The following DNAH11 variants were observed in gnomAD, a reference collection of about 807,000 sequenced individuals.
The protein encoded by DNAH11 is axonemal beta dynein heavy chain 11.
A neutral mutation model predicts 526.0 loss-of-function variants in DNAH11; 442 were observed. That is an observed-to-expected ratio of 0.84 (90% CI 0.78 to 0.91). The LOEUF is 0.91. DNAH11 is among the 40% of genes least tolerant of loss of function. The pLI, the probability that DNAH11 is intolerant of heterozygous loss-of-function variation, is 0.00. For missense variants in DNAH11, 6,989 were observed against 5,448.7 expected (o/e 1.28, Z -8.90); for synonymous variants, 2,461 against 1,935.9 (o/e 1.27, Z -7.12).
At chr7:21,723,333 A>G (rs943507532) in intron 44 of DNAH11, among the ~76,000 whole-genome samples, 3 of 152,242 alleles carry the variant, frequency 2.0e-5, no homozygotes, top group African/African-American at 7.2e-5. Context: ...ATCTGCTTCC[A>G]GGCACAAAGC....
chr7:21,827,755 A>G (rs938419298), intron 65 of DNAH11, among the ~76,000 whole-genome samples: 1 of 152,108 alleles, frequency 6.6e-6, no homozygotes, highest in African/African-American at 2.4e-5. Context: ...AATTGCTTTC[A>G]GTTAGCAGCT....
At position 21,666,835 on chromosome 7, in the gene DNAH11, A is replaced by G. The variant is rs185422118; in HGVS notation, c.5328+7804A>G. On this transcript the variant is annotated intron_variant, in intron 30 of 81. Coordinates refer to ENST00000409508, the MANE Select transcript of DNAH11 (RefSeq NM_001277115.2). Reference sequence around the variant, plus strand: ...TAATCTAGCAGTAACTCACAAGATCATGAGTAGAGCACATACTCTCTACCT... The same window carrying G: ...TAATCTAGCAGTAACTCACAAGATCGTGAGTAGAGCACATACTCTCTACCT... 1.1e-4 allele frequency among the ~76,000 whole-genome samples: 16 copies of G among 152,092 alleles called. No individual in the cohort carries two copies. In the East Asian group the frequency reaches 2.9e-3, roughly 28 times the overall value.
chr7:21,854,271 A>G (rs1562585452), intron 67 of DNAH11, 44 bp from the exon 68 acceptor site: 3 of 1,601,608 alleles, frequency 1.9e-6, no homozygotes, highest in Non-Finnish European at 2.6e-6. Flanking sequence ...CGTAGAGAAT[A>G]TGAAGAGTAA....
chr7:21,730,620 TG>T (rs1785336653), intron 45 of DNAH11, among the ~76,000 whole-genome samples: 1 of 152,310 alleles, frequency 6.6e-6, no homozygotes, highest in African/African-American at 2.4e-5. Flanking sequence ...ATGATTTCAC[TG>T]ACTTGTGAAA....
chr7:21,854,593 A>G (rs1160672135), intron 68 of DNAH11, 138 bp downstream of exon 68: 7 of 1,007,152 alleles, frequency 7.0e-6, no homozygotes, highest in Non-Finnish European at 8.2e-6. Context: ...TCTGTAGCCC[A>G]GGCTGGAGTG....
intron 20 of DNAH11, among the ~76,000 whole-genome samples, chr7:21,610,464 T>C (rs552040472): frequency 6.6e-6 from 1 of 152,262 alleles, no homozygotes; most frequent in South Asian, 2.1e-4. Flanking sequence ...TCAGTCTCTT[T>C]AGGGGGTCCA....
At chr7:21,628,038 T>C (rs1786430219) in intron 25 of DNAH11, among the ~76,000 whole-genome samples, 1 of 152,192 alleles carries the variant, frequency 6.6e-6, no homozygotes, top group Non-Finnish European at 1.5e-5. Context: ...TAGTTGATAT[T>C]ATTTGTAGCT....
In DNAH11 at chr7:21,694,844, C is replaced by T. The variant is rs143737595; in HGVS notation, c.6042-3231C>T. On this transcript the variant is annotated intron_variant, in intron 35 of 81. Coordinates refer to ENST00000409508, the MANE Select transcript of DNAH11 (RefSeq NM_001277115.2). ...GTGTAAAAGCATTCCTATTTCTCCA[C>T]GTTCTCGCCAGCATCTGTTGTTTCC... 3.5e-3 allele frequency among the ~76,000 whole-genome samples: 540 copies of T among 152,302 alleles called. 1 individual carries two copies. Among genetic ancestry groups the T allele is most frequent in the Non-Finnish European group, 5.4e-3 (369 of 68,024 alleles).
chr7:21,897,677 G>A (rs180856015), intron 79 of DNAH11, among the ~76,000 whole-genome samples: 39 of 152,196 alleles, frequency 2.6e-4, no homozygotes, highest in African/African-American at 6.5e-4. Context: ...GTGCAGTGAC[G>A]TGATCGCAGC....
intron 14 of DNAH11, among the ~76,000 whole-genome samples, chr7:21,595,671 G>A (rs568293122): frequency 6.6e-6 from 1 of 152,294 alleles, no homozygotes; most frequent in South Asian, 2.1e-4. Context: ...GTGTTAATTA[G>A]CCAAGAGGAG....
intron 77 of DNAH11, among the ~76,000 whole-genome samples, chr7:21,893,738 A>C (rs1055620351): frequency 2.0e-5 from 3 of 152,222 alleles, no homozygotes; most frequent in African/African-American, 7.2e-5. Context: ...TTTCAGAGCA[A>C]CAATTACAGA....
At chr7:21,548,588 G>A (rs779751011) in intron 2 of DNAH11, among the ~76,000 whole-genome samples, 1 of 152,128 alleles carries the variant, frequency 6.6e-6, no homozygotes, top group Non-Finnish European at 1.5e-5. Context: ...CAGAGTGAAG[G>A]CAATTGGACT....
chr7:21,861,066 A>C (rs6960896), intron 68 of DNAH11, among the ~76,000 whole-genome samples: 151,220 of 152,274 alleles, frequency 0.99, 75,091 homozygotes, highest in East Asian at 1. Flanking sequence ...TGGGTGGGGA[A>C]ACAGCCAAAC....
chr7:21,611,203 C>A (rs904597925), intron 20 of DNAH11, among the ~76,000 whole-genome samples: 1 of 152,130 alleles, frequency 6.6e-6, no homozygotes, highest in Non-Finnish European at 1.5e-5. Flanking sequence ...AAAAGGAATA[C>A]CTTTCTCCTG....
chr7:21,850,661 TG>T (rs1438393591), intron 66 of DNAH11, among the ~76,000 whole-genome samples: 1 of 147,788 alleles, frequency 6.8e-6, no homozygotes, highest in Admixed American at 6.8e-5. Context: ...ACTTATTTGT[TG>T]AAAACCTTGA....
intron 28 of DNAH11, among the ~76,000 whole-genome samples, chr7:21,642,250 GTCTATCA>G (rs1485695476): frequency 1.2e-4 from 16 of 129,514 alleles, no homozygotes; most frequent in Non-Finnish European, 2.4e-4. Flanking sequence ...GTTACTAAAG[GTCTATCA>G]TTAGAAGTGT....
Position 21,742,033 on chromosome 7 carries a change from C to G in DNAH11, c.8021C>G (p.Ser2674Ter). ...TTCCAACAGCAAGCATTTGCTCCAT[C>G]AATTCTCAGGAGTGGCCCCACTTTG... ...FHFQQQAFAPSILRSGPTLIQ... is the reference protein window; with the variant it reads ...FHFQQQAFAP Residue 2674 changes from serine to a stop codon, truncating the protein, a stop_gained, in exon 49 of 82, where the codon TCA becomes TGA. Transcript: ENST00000409508. LOFTEE classifies it high-confidence loss of function. 1 of 1,613,964 alleles carries G rather than the reference C, an allele frequency of 6.2e-7. No homozygotes were observed. Among genetic ancestry groups the G allele is most frequent in the Non-Finnish European group, 8.5e-7 (1 of 1,179,868 alleles).
intron 36 of DNAH11, among the ~76,000 whole-genome samples, chr7:21,700,680 T>C (rs1006474752): frequency 6.6e-6 from 1 of 152,170 alleles, no homozygotes; most frequent in South Asian, 2.1e-4. Context: ...TGCAGCACTA[T>C]TTACAGTAGC....
rs377635623 is a variant in DNAH11, at chr7:21,705,504, T to C, written c.6513T>C (p.Phe2171=). The change falls in exon 39 of 82, where the codon TTT becomes TTC. Residue 2171 remains phenylalanine (F), a synonymous_variant. Coordinates refer to ENST00000409508, the MANE Select transcript of DNAH11 (RefSeq NM_001277115.2). The stretch of plus-strand genomic sequence containing the variant: ...TGTTGGCTGTGCGGCACTCGGTCTT[T>C]GTAGTTGGAAATGCAGGCACAGGAA... The part of the protein sequence containing the change: ...EELLAVRHSV[F]VVGNAGTGKS... 3.4e-5 allele frequency: 55 copies of C among 1,613,742 alleles called. 1 individual carries two copies. Among genetic ancestry groups the C allele is most frequent in the South Asian group, 2.6e-4 (24 of 91,070 alleles).
Sources: gnomAD v4.1 joint callset for allele counts (sites outside exome capture counted in the v4.1 genomes callset) on GRCh38, gnomAD v4.1.1 for gene constraint, MANE v1.5 for transcripts, NCBI Gene and HGNC (gene_info 2026-07-23, HGNC 2026-07-21) for gene names.